The following LARGE1 variants were observed in gnomAD, a reference collection of about 807,000 sequenced individuals.
The protein encoded by LARGE1 is xylosyl- and glucuronyltransferase LARGE1.
Under a neutral mutation model 87.6 loss-of-function variants are expected in LARGE1, and 43 were observed. That is an observed-to-expected ratio of 0.49 (90% CI 0.38 to 0.63). The LOEUF (loss-of-function observed/expected upper bound fraction) is 0.63, where lower values mean the gene tolerates loss of function less well. LARGE1 is among the 30% of genes least tolerant of loss of function. The probability of loss-of-function intolerance (pLI) is 0.00; values close to 1 mark genes in which losing one functional copy is unlikely to be tolerated. For missense variants in LARGE1, 802 were observed against 1,000.2 expected (o/e 0.80, Z 2.67); for synonymous variants, 434 against 394.6 (o/e 1.10, Z -1.18).
intron 9 of LARGE1, among the ~76,000 whole-genome samples, chr22:33,339,406 G>C (rs895646469): frequency 6.6e-6 from 1 of 151,964 alleles, no homozygotes; most frequent in African/African-American, 2.4e-5. Flanking sequence ...TGGCGTCGTG[G>C]GGTCATGCCC....
intron 5 of LARGE1, among the ~76,000 whole-genome samples, chr22:33,603,215 A>T (rs1265488259): frequency 6.6e-6 from 1 of 152,228 alleles, no homozygotes; most frequent in South Asian, 2.1e-4. Context: ...TCTATTAAAA[A>T]TGCTATGGCT....
intron 9 of LARGE1, among the ~76,000 whole-genome samples, chr22:33,375,283 T>C (rs1017178765): frequency 6.6e-6 from 1 of 152,224 alleles, no homozygotes; most frequent in Non-Finnish European, 1.5e-5. Context: ...CATTTCCTTC[T>C]TCCAATTTTC....
intron 2 of LARGE1, among the ~76,000 whole-genome samples, chr22:33,758,202 G>A (rs2084591334): frequency 6.6e-6 from 1 of 152,146 alleles, no homozygotes; most frequent in South Asian, 2.1e-4. Context: ...CCCTTTGTCT[G>A]TTTGCTGAAG....
chr22:33,829,990 T>C (rs927266105), intron 1 of LARGE1, among the ~76,000 whole-genome samples: 1 of 152,086 alleles, frequency 6.6e-6, no homozygotes, highest in African/African-American at 2.4e-5. Flanking sequence ...AAGGATGAGA[T>C]GGAAGCAAAA....
intron 1 of LARGE1, among the ~76,000 whole-genome samples, chr22:33,769,600 C>T (rs904954026): frequency 2.0e-5 from 3 of 152,310 alleles, no homozygotes; most frequent in Admixed American, 6.5e-5. Context: ...CCACCCTTCC[C>T]CTCCAAGTCC....
intron 11 of LARGE1, among the ~76,000 whole-genome samples, chr22:33,180,177 C>T (rs965142559): frequency 2.0e-5 from 3 of 152,110 alleles, no homozygotes; most frequent in East Asian, 1.9e-4. Context: ...TACAAATTAC[C>T]CAGTATCAGT....
At chr22:33,285,788 T>A (rs902385527) in intron 12 of LARGE1, among the ~76,000 whole-genome samples, 2 of 152,114 alleles carry the variant, frequency 1.3e-5, no homozygotes, top group Admixed American at 6.6e-5. Flanking sequence ...CAGGCCTGAA[T>A]GGGACAAAAC....
At chr22:33,310,159 C>G (rs1302469544) in intron 11 of LARGE1, among the ~76,000 whole-genome samples, 1 of 152,080 alleles carries the variant, frequency 6.6e-6, no homozygotes, top group Non-Finnish European at 1.5e-5. Flanking sequence ...CTGACAAGCT[C>G]CCATGCAATG....
intron 11 of LARGE1, among the ~76,000 whole-genome samples, chr22:33,188,009 T>C (rs137402): frequency 0.6 from 87,538 of 145,596 alleles, 26,567 homozygotes; most frequent in Middle Eastern, 0.66. Flanking sequence ...AAATAGTGTG[T>C]GCGGTAATGT....
chr22:33,727,731 T>C (rs966373043), intron 2 of LARGE1: 11 of 152,248 alleles, frequency 7.2e-5, no homozygotes, highest in African/African-American at 2.7e-4. Flanking sequence ...ATACACGTGA[T>C]ATCACAAATA....
chr22:33,684,771 G>A (rs548341218), intron 2 of LARGE1, among the ~76,000 whole-genome samples: 157 of 152,282 alleles, frequency 1.0e-3, no homozygotes, highest in African/African-American at 3.5e-3. Context: ...TTCTTACAGC[G>A]ATGGCCTTCC....
At chr22:33,443,367 G>A (rs1468428141) in intron 6 of LARGE1, among the ~76,000 whole-genome samples, 1 of 152,178 alleles carries the variant, frequency 6.6e-6, no homozygotes, top group Non-Finnish European at 1.5e-5. Context: ...ACTCTAAAGG[G>A]CACAGAGAGG....
chr22:33,324,261 C>CAAAAAAACAA (rs1937033966), intron 10 of LARGE1, among the ~76,000 whole-genome samples: 1 of 94,638 alleles, frequency 1.1e-5, no homozygotes, highest in African/African-American at 4.4e-5. Flanking sequence ...AAAAAAAAGC[C>CAAAAAAACAA]AAAAAAACAA....
chr22:33,534,351 C>A (rs913775773), intron 6 of LARGE1, among the ~76,000 whole-genome samples: 2 of 151,556 alleles, frequency 1.3e-5, no homozygotes, highest in African/African-American at 4.9e-5. Context: ...TTGCAGTGAG[C>A]GGAGAACACG....
intron 4 of LARGE1, among the ~76,000 whole-genome samples, chr22:33,611,689 G>T (rs1187410014): frequency 3.3e-5 from 5 of 152,210 alleles, no homozygotes; most frequent in African/African-American, 4.8e-5. Flanking sequence ...ATTGTAGTTT[G>T]AAATGTGAGG....
chr22:33,714,954 G>C (rs1053599135), intron 2 of LARGE1, among the ~76,000 whole-genome samples: 1 of 152,186 alleles, frequency 6.6e-6, no homozygotes, highest in Admixed American at 6.5e-5. Flanking sequence ...GCTGCCAGAA[G>C]GACTTGTTGG....
intron 1 of LARGE1, among the ~76,000 whole-genome samples, chr22:33,779,090 G>C (rs1006301382): frequency 1.3e-5 from 2 of 152,136 alleles, no homozygotes. Flanking sequence ...ACATTTGCGC[G>C]TAAGTACTTG....
At chr22:33,124,603 T>G in the LARGE1 span, among the ~76,000 whole-genome samples, 1 of 152,106 alleles carries the variant, frequency 6.6e-6, no homozygotes, top group African/African-American at 2.4e-5. Flanking sequence ...TCACCAACCA[T>G]TATCTCTCAC....
At chr22:33,914,409 A>G (rs2065725884) in intron 1 of LARGE1, among the ~76,000 whole-genome samples, 1 of 152,210 alleles carries the variant, frequency 6.6e-6, no homozygotes, top group African/African-American at 2.4e-5. Flanking sequence ...CGGAGAGGTC[A>G]CCTCAGCTTT....
Sources: allele counts gnomAD v4.1 joint callset (sites outside exome capture counted in the v4.1 genomes callset), GRCh38; gene constraint gnomAD v4.1.1; transcripts MANE v1.5; gene names NCBI Gene and HGNC (gene_info 2026-07-23, HGNC 2026-07-21).